CENPP: variants seen among roughly 807,000 people sequenced by gnomAD.
CENPP encodes centromere protein P.
A neutral mutation model predicts 35.6 loss-of-function variants in CENPP; 24 were observed. The observed-to-expected ratio is 0.67, with a 90% CI of 0.49 to 0.95. CENPP has a LOEUF of 0.95. Ranked by LOEUF, CENPP falls within the 40% of genes least tolerant of loss-of-function variation. CENPP has a pLI of 0.00. For missense variants in CENPP, 332 were observed against 345.3 expected, an observed-to-expected ratio of 0.96 and a Z score of 0.31; for synonymous variants, 120 against 125.5, an observed-to-expected ratio of 0.96 and a Z score of 0.29.
intron 5 of CENPP, among the ~76,000 whole-genome samples, chr9:92,529,168 CA>C: frequency 1.3e-5 from 2 of 152,238 alleles, no homozygotes; most frequent in South Asian, 4.1e-4. Flanking sequence ...AAGAAATAGA[CA>C]AATCCACAAT....
At chr9:92,493,970 G>T in intron 5 of CENPP, 1 of 954,260 alleles carries the variant, frequency 1.0e-6, no homozygotes, top group Non-Finnish European at 1.6e-6. Context: ...GAGGGTGGCC[G>T]TAGTCTCCTG....
chr9:92,569,475 T>C (rs2131352159), intron 5 of CENPP, among the ~76,000 whole-genome samples: 1 of 152,346 alleles, frequency 6.6e-6, no homozygotes, highest in South Asian at 2.1e-4. Flanking sequence ...GCTGTTTGGT[T>C]ACTGTAGCCT....
intron 4 of CENPP, among the ~76,000 whole-genome samples, chr9:92,356,707 T>C (rs1841597299): frequency 6.6e-6 from 1 of 152,266 alleles, no homozygotes; most frequent in Admixed American, 6.5e-5. Context: ...TATAAAAGTA[T>C]TGTTTGGGAA....
At chr9:92,516,198 G>A (rs1847708314) in intron 5 of CENPP, among the ~76,000 whole-genome samples, 1 of 151,834 alleles carries the variant, frequency 6.6e-6, no homozygotes, top group African/African-American at 2.4e-5. Context: ...CAAGTAGCTG[G>A]GATTACAGGC....
chr9:92,455,048 C>G (rs1207336545), intron 5 of CENPP, among the ~76,000 whole-genome samples: 3 of 152,304 alleles, frequency 2.0e-5, no homozygotes, highest in Middle Eastern at 3.4e-3. Flanking sequence ...TTCCACCACT[C>G]CCTGCAGGGA....
At chr9:92,524,960 G>A (rs1212214459) in intron 5 of CENPP, among the ~76,000 whole-genome samples, 1 of 152,158 alleles carries the variant, frequency 6.6e-6, no homozygotes, top group Non-Finnish European at 1.5e-5. Context: ...AGGCATTGAA[G>A]GATTAAGGGA....
At chr9:92,410,173 T>A (rs2130946158) in intron 5 of CENPP, among the ~76,000 whole-genome samples, 1 of 152,262 alleles carries the variant, frequency 6.6e-6, no homozygotes, top group East Asian at 1.9e-4. Context: ...CCTGACCTCA[T>A]GATCTACCCA....
At chr9:92,488,513 A>T (rs571822612) in intron 5 of CENPP, among the ~76,000 whole-genome samples, 11 of 152,350 alleles carry the variant, frequency 7.2e-5, no homozygotes, top group South Asian at 6.2e-4. Flanking sequence ...TAGAGGATCC[A>T]TTATAGCTTT....
chr9:92,431,651 T>C, intron 5 of CENPP, among the ~76,000 whole-genome samples: 1 of 152,196 alleles, frequency 6.6e-6, no homozygotes, highest in Non-Finnish European at 1.5e-5. Context: ...GTTGGCTCAC[T>C]GCAACCTCTG....
intron 5 of CENPP, among the ~76,000 whole-genome samples, chr9:92,385,977 C>G (rs1031832250): frequency 5.3e-5 from 8 of 152,194 alleles, no homozygotes; most frequent in Non-Finnish European, 1.0e-4. Flanking sequence ...AGACTTCACA[C>G]GTACTGTGCT....
At chr9:92,406,126 C>G (rs538142913) in intron 5 of CENPP, among the ~76,000 whole-genome samples, 2 of 152,136 alleles carry the variant, frequency 1.3e-5, no homozygotes, top group Non-Finnish European at 2.9e-5. Context: ...GGAGGGTAAG[C>G]GCAGGTGATG....
intron 5 of CENPP, chr9:92,495,790 G>C: frequency 1.3e-5 from 12 of 949,996 alleles, no homozygotes; most frequent in Non-Finnish European, 1.5e-5. Flanking sequence ...AGAAATGAAA[G>C]CTACCCCAAT....
chr9:92,351,577 G>C (rs1355012460), intron 4 of CENPP, among the ~76,000 whole-genome samples: 1 of 151,406 alleles, frequency 6.6e-6, no homozygotes, highest in Non-Finnish European at 1.5e-5. Context: ...GTGTGATTTT[G>C]ATTAATACTA....
At chr9:92,497,910 C>T (rs1450411885) in intron 5 of CENPP, among the ~76,000 whole-genome samples, 1 of 151,370 alleles carries the variant, frequency 6.6e-6, no homozygotes, top group South Asian at 2.1e-4. Flanking sequence ...TGGCACCTCC[C>T]CATTCTTTTT....
intron 5 of CENPP, among the ~76,000 whole-genome samples, chr9:92,486,298 A>G (rs1846056400): frequency 6.6e-6 from 1 of 152,154 alleles, no homozygotes; most frequent in Non-Finnish European, 1.5e-5. Context: ...AGTGATTAAG[A>G]TTTCATGAGT....
At chr9:92,409,843 G>C (rs1049109357) in intron 5 of CENPP, among the ~76,000 whole-genome samples, 5 of 152,190 alleles carry the variant, frequency 3.3e-5, no homozygotes, top group African/African-American at 1.2e-4. Context: ...ATAGGTAACT[G>C]TGCAGTCTTG....
intron 4 of CENPP, among the ~76,000 whole-genome samples, chr9:92,358,044 A>G (rs117996781): frequency 2.7e-3 from 408 of 151,550 alleles, no homozygotes; most frequent in Non-Finnish European, 4.6e-3. Context: ...ATGTTTCTCT[A>G]TGTGGATCTC....
chr9:92,558,679 A>G (rs72754457), intron 5 of CENPP, among the ~76,000 whole-genome samples: 6,063 of 152,270 alleles, frequency 0.04, 186 homozygotes, highest in South Asian at 0.099. Context: ...AGGGACCAGC[A>G]GTAGGCGGGG....
intron 5 of CENPP, among the ~76,000 whole-genome samples, chr9:92,444,681 A>G (rs1423594532): frequency 6.6e-6 from 1 of 152,188 alleles, no homozygotes; most frequent in Non-Finnish European, 1.5e-5. Context: ...GTATTGTCCC[A>G]GCACCATTTG....
Sources: gnomAD v4.1 joint callset for allele counts (sites outside exome capture counted in the v4.1 genomes callset) on GRCh38, gnomAD v4.1.1 for gene constraint, MANE v1.5 for transcripts, NCBI Gene and HGNC (gene_info 2026-07-23, HGNC 2026-07-21) for gene names.